CTNNA3: variants seen among roughly 807,000 people sequenced by gnomAD.
The protein encoded by CTNNA3 is catenin alpha 3, also known as catenin alpha-3.
In CTNNA3, 76 loss-of-function variants were observed where a neutral mutation model predicts 95.7. The ratio of observed to expected loss-of-function variants is 0.79; its 90% confidence interval spans 0.66 to 0.96. CTNNA3 has a LOEUF of 0.96. CTNNA3 is among the 40% of genes least tolerant of loss of function. CTNNA3 has a pLI of 0.00. For missense variants in CTNNA3, 1,191 were observed against 1,089.8 expected, an observed-to-expected ratio of 1.09 and a Z score of -1.31; for synonymous variants, 431 against 374.4, an observed-to-expected ratio of 1.15 and a Z score of -1.74.
intron 9 of CTNNA3, among the ~76,000 whole-genome samples, chr10:66,689,838 A>G (rs1027093948): frequency 2.0e-5 from 3 of 152,232 alleles, no homozygotes; most frequent in Non-Finnish European, 2.9e-5. Context: ...AAATGAGAAG[A>G]AAATAACTCA....
At chr10:67,346,225 G>A (rs1437937729) in intron 5 of CTNNA3, among the ~76,000 whole-genome samples, 1 of 151,852 alleles carries the variant, frequency 6.6e-6, no homozygotes, top group Non-Finnish European at 1.5e-5. Flanking sequence ...ATTTTTATTG[G>A]CTCATCCTGT....
intron 10 of CTNNA3, among the ~76,000 whole-genome samples, chr10:66,591,591 T>A (rs1203682414): frequency 6.6e-6 from 1 of 152,066 alleles, no homozygotes; most frequent in African/African-American, 2.4e-5. Flanking sequence ...AACTTACCCC[T>A]CTTTTACCTC....
rs188207958 is a variant in CTNNA3, at chr10:66,917,206, A to T, written c.1048-141682T>A. On this transcript the variant is annotated intron_variant, in intron 7 of 17. Coordinates refer to ENST00000433211, the MANE Select transcript of CTNNA3 (RefSeq NM_013266.4). The stretch of plus-strand genomic sequence containing the variant: ...AAATACTCATTGAATAAACAAGTTA[A>T]TTTTATTTTTATTAAGGATCTGTGG... Among the ~76,000 whole-genome samples the T allele has an allele frequency of 1.7e-3, 266 of 152,314 alleles. 4 individuals carry two copies. Among genetic ancestry groups the T allele is most frequent in the African/African-American group, 6.3e-3 (261 of 41,578 alleles).
intron 7 of CTNNA3, among the ~76,000 whole-genome samples, chr10:67,079,906 CACAA>C (rs1403379936): frequency 1.4e-5 from 2 of 140,278 alleles, no homozygotes; most frequent in African/African-American, 2.7e-5. Flanking sequence ...CACACACACA[CACAA>C]AGATAGTCAC....
intron 5 of CTNNA3, among the ~76,000 whole-genome samples, chr10:67,507,807 C>G (rs763817549): frequency 1.1e-4 from 17 of 152,138 alleles, no homozygotes; most frequent in Non-Finnish European, 2.1e-4. Flanking sequence ...GATGCACAAA[C>G]ATGCAAAACT....
At chr10:66,029,892 TG>T (rs1459506526) in intron 15 of CTNNA3, among the ~76,000 whole-genome samples, 3 of 152,194 alleles carry the variant, frequency 2.0e-5, no homozygotes, top group African/African-American at 7.2e-5. Context: ...ATGTAATCTT[TG>T]CACACCACTC....
At chr10:67,652,682 A>G (rs756598337) in intron 1 of CTNNA3, among the ~76,000 whole-genome samples, 2 of 151,716 alleles carry the variant, frequency 1.3e-5, no homozygotes. Context: ...ATATGGATTT[A>G]TATATTTAAT....
At position 66,223,551 on chromosome 10, in the gene CTNNA3, C is replaced by G. The variant is rs577582304; in HGVS notation, c.1884+56919G>C. Among the ~76,000 whole-genome samples, 4 of 152,212 alleles carry G rather than the reference C, an allele frequency of 2.6e-5. No homozygotes were observed. The South Asian group carries it at 8.3e-4, about 32-fold the overall frequency. ...TTACCACCAAATGATTTACAAGATT[C>G]GTTTCTATTTTTCAGAGGTATTTGT... On this transcript the variant is annotated intron_variant, in intron 13 of 17. Coordinates refer to ENST00000433211, the MANE Select transcript of CTNNA3 (RefSeq NM_013266.4).
intron 9 of CTNNA3, among the ~76,000 whole-genome samples, chr10:66,689,563 T>C (rs1016750753): frequency 1.3e-5 from 2 of 152,194 alleles, no homozygotes; most frequent in African/African-American, 4.8e-5. Context: ...ATTAATTATA[T>C]CATATTAAAA....
At chr10:66,188,591 GT>G (rs2086466398) in intron 13 of CTNNA3, among the ~76,000 whole-genome samples, 1 of 107,060 alleles carries the variant, frequency 9.3e-6, no homozygotes, top group African/African-American at 4.8e-5. Context: ...GGGAGGGGGG[GT>G]CTCTGTGTGT....
intron 15 of CTNNA3, among the ~76,000 whole-genome samples, chr10:66,026,830 T>G (rs1397675470): frequency 6.6e-6 from 1 of 152,152 alleles, no homozygotes; most frequent in South Asian, 2.1e-4. Flanking sequence ...TCACCCATGG[T>G]TGAGCTCTAA....
chr10:67,160,005 T>C (rs531256216), intron 7 of CTNNA3, among the ~76,000 whole-genome samples: 1 of 152,156 alleles, frequency 6.6e-6, no homozygotes, highest in Non-Finnish European at 1.5e-5. Context: ...AACAGATCAG[T>C]AATTCAAGCA....
At chr10:67,162,636 A>G (rs1470779611) in intron 7 of CTNNA3, among the ~76,000 whole-genome samples, 2 of 151,950 alleles carry the variant, frequency 1.3e-5, no homozygotes, top group Non-Finnish European at 2.9e-5. Flanking sequence ...CACCCAAAGT[A>G]AGCAGAAAGA....
At chr10:67,419,611 C>T (rs1004069412) in intron 5 of CTNNA3, among the ~76,000 whole-genome samples, 6 of 152,110 alleles carry the variant, frequency 3.9e-5, no homozygotes, top group African/African-American at 9.7e-5. Flanking sequence ...TAAATTAAAG[C>T]GCTTTCTCAT....
chr10:66,841,336 A>C (rs757686950), intron 7 of CTNNA3, among the ~76,000 whole-genome samples: 5 of 152,152 alleles, frequency 3.3e-5, no homozygotes, highest in Admixed American at 6.6e-5. Context: ...ACTCCACTAC[A>C]CAGTGTCTGA....
At chr10:66,583,206 C>T (rs2631222) in intron 10 of CTNNA3, among the ~76,000 whole-genome samples, 102,406 of 151,714 alleles carry the variant, frequency 0.67, 35,947 homozygotes, top group Non-Finnish European at 0.78. Context: ...TAGATTCAAT[C>T]GAATTAGTAC....
chr10:66,049,353 T>C (rs889817654), intron 15 of CTNNA3, among the ~76,000 whole-genome samples: 2 of 152,138 alleles, frequency 1.3e-5, no homozygotes, highest in Non-Finnish European at 2.9e-5. Flanking sequence ...TGTAAATTAG[T>C]TCAACCATTG....
rs528575143 is a variant in CTNNA3, at chr10:67,236,276, G to T, written c.580-16406C>A. ...GGAACCAACCCAAATGTCCAACAATGATAGACTGGATTAAGAAAATGTGGC... is the reference window on the plus strand; with the variant it reads ...GGAACCAACCCAAATGTCCAACAATTATAGACTGGATTAAGAAAATGTGGC... On this transcript the variant is annotated intron_variant, in intron 5 of 17. Transcript: ENST00000433211. Among the ~76,000 whole-genome samples, 1,414 of 149,952 alleles carry T rather than the reference G, an allele frequency of 9.4e-3. 6 individuals are homozygous for T. The highest frequency in any genetic ancestry group is 0.022 in the African/African-American group (883 of 40,452).
chr10:67,652,343 A>G (rs3096246), intron 1 of CTNNA3, among the ~76,000 whole-genome samples: 67,783 of 152,122 alleles, frequency 0.45, 18,945 homozygotes, highest in African/African-American at 0.8. Context: ...TGGCAGGTCT[A>G]CCATTTCTCA....
Sources: gnomAD v4.1 joint callset for allele counts (sites outside exome capture counted in the v4.1 genomes callset) on GRCh38, gnomAD v4.1.1 for gene constraint, MANE v1.5 for transcripts, NCBI Gene and HGNC (gene_info 2026-07-23, HGNC 2026-07-21) for gene names.